The following FAM161B variants were observed in gnomAD, a reference collection of about 807,000 sequenced individuals.
The protein encoded by FAM161B is FAM161 centrosomal protein B, also known as protein FAM161B.
FAM161B carries 46 observed loss-of-function variants against 61.5 expected under a neutral mutation model. The observed-to-expected ratio is 0.75, with a 90% CI of 0.59 to 0.96. The LOEUF (loss-of-function observed/expected upper bound fraction) is 0.96, where lower values mean the gene tolerates loss of function less well. Among genes scored for constraint, FAM161B ranks in the 40% least tolerant of loss-of-function variants. The probability of loss-of-function intolerance (pLI) is 0.00; values close to 1 mark genes in which losing one functional copy is unlikely to be tolerated. For missense variants in FAM161B, 774 were observed against 800.7 expected, an observed-to-expected ratio of 0.97 and a Z score of 0.40; for synonymous variants, 284 against 302.7, an observed-to-expected ratio of 0.94 and a Z score of 0.64.
In FAM161B at chr14:73,944,666, C is replaced by A; in HGVS notation, c.594G>T (p.Glu198Asp). Residue 198 changes from glutamate (E) to aspartate (D), a missense_variant, in exon 3 of 9, where the codon GAG (glutamate) becomes GAT (aspartate). Coordinates refer to ENST00000286544, the MANE Select transcript of FAM161B (RefSeq NM_152445.3). ...WLGSPASFEQ[E>D]RQRAQRQGEE... ...CACCCTGCCTCTGGGCCCGCTGCCT[C>A]TCCTGCTCAAAGGAGGCAGGTGAGC... is the stretch of plus-strand genomic sequence containing the variant. The A allele has an allele frequency of 6.2e-7, 1 of 1,613,492 alleles. No homozygotes were observed. The highest frequency in any genetic ancestry group is 8.5e-7 in the Non-Finnish European group (1 of 1,179,592).
Position 73,938,120 on chromosome 14 carries a change from A to C in FAM161B, c.1401-8T>G, listed in dbSNP as rs1345746614. The C allele has an allele frequency of 1.2e-6, 2 of 1,613,498 alleles. No individual in the cohort carries two copies. Among genetic ancestry groups the C allele is most frequent in the South Asian group, 2.2e-5 (2 of 91,026 alleles). ...TTTTTTTCAAGTGCACTTCTAAAGG[A>C]AGGAGGCAGAAAAAGAGTATAGATT... On this transcript the variant is annotated splice_region_variant and splice_polypyrimidine_tract_variant and intron_variant, in intron 5 of 8. Transcript: ENST00000286544.
chr14:73,944,531 TGCCTGCCTTCGG>T lies in FAM161B; in HGVS notation c.717_728del (p.Arg240_Ala243del). On this transcript the variant is annotated inframe_deletion, in exon 3 of 9. Coordinates refer to ENST00000286544, the MANE Select transcript of FAM161B (RefSeq NM_152445.3). ...GCAGTTCCTTCCTCTTCTGGATCCC[TGCCTGCCTTCGG>T]GCCTCGCTGCGCTCCATGATCTCTT... 6.2e-7 allele frequency: 1 copy of T among 1,614,150 alleles called. No homozygotes were observed. Among genetic ancestry groups the T allele is most frequent in the South Asian group, 1.1e-5 (1 of 91,086 alleles).
Position 73,943,631 on chromosome 14 carries a change from C to G in FAM161B, c.925+704G>C, listed in dbSNP as rs537284867. On this transcript the variant is annotated intron_variant, in intron 3 of 8. Coordinates refer to ENST00000286544, the MANE Select transcript of FAM161B (RefSeq NM_152445.3). ...TCTTCGCCCCTCCTTCAGTTCAGCC[C>G]CAGGGCCCACTTTCTCAGGGGACCT... 2.0e-5 allele frequency among the ~76,000 whole-genome samples: 3 copies of G among 152,318 alleles called. No homozygotes were observed. The East Asian group carries it at 5.8e-4, about 29-fold the overall frequency.
intron 5 of FAM161B, among the ~76,000 whole-genome samples, chr14:73,938,560 C>T (rs905574594): frequency 6.6e-6 from 1 of 151,868 alleles, no homozygotes; most frequent in African/African-American, 2.4e-5. Flanking sequence ...ATCACAAGGT[C>T]AGGAGATCGA....
At chr14:73,948,220 C>T (rs773011299) in intron 1 of FAM161B, among the ~76,000 whole-genome samples, 8 of 152,156 alleles carry the variant, frequency 5.3e-5, no homozygotes, top group Non-Finnish European at 1.2e-4. Flanking sequence ...CATTGGGCCC[C>T]GCCCAACGGC....
rs771820341 is a variant in FAM161B at position 73,937,578 on chromosome 14, AAAC to A, written c.1665+21_1665+23del. ...AGTCCTTTTATCTAAGGCAGAAAGA[AAAC>A]AAATGATGGTTTAGTTTTACCTTGG... On this transcript the variant is annotated intron_variant, in intron 7 of 8. Coordinates refer to ENST00000286544, the MANE Select transcript of FAM161B (RefSeq NM_152445.3). 7 of 1,596,896 alleles carry A rather than the reference AAAC, an allele frequency of 4.4e-6. No homozygotes were observed. In the Admixed American group the frequency reaches 1.1e-4, roughly 24 times the overall value.
At chr14:73,926,726 C>T (rs570051426), downstream of FAM161B, among the ~76,000 whole-genome samples, 11 of 117,130 alleles carry the variant, frequency 9.4e-5, no homozygotes, top group African/African-American at 2.2e-4. Flanking sequence ...TGAGCCACTG[C>T]GCCCGGCCAG....
intron 5 of FAM161B, among the ~76,000 whole-genome samples, chr14:73,940,345 A>G (rs1168401322): frequency 6.6e-6 from 1 of 152,166 alleles, no homozygotes; most frequent in Non-Finnish European, 1.5e-5. Context: ...AAATCTATGC[A>G]ATGGATGTCT....
intron 8 of FAM161B, among the ~76,000 whole-genome samples, chr14:73,935,342 A>G (rs1361322557): frequency 3.3e-5 from 5 of 152,236 alleles, no homozygotes; most frequent in East Asian, 1.9e-4. Flanking sequence ...CCTGGCTAAC[A>G]TGGTGAAACC....
At chr14:73,942,849 C>T (rs1325430012) in intron 3 of FAM161B, 134 bp from the exon 4 acceptor site, 6 of 711,290 alleles carry the variant, frequency 8.4e-6, no homozygotes, top group East Asian at 8.2e-5. Flanking sequence ...AATTCTGACA[C>T]GTTAACATCC....
At position 73,933,723 on chromosome 14, in the gene FAM161B, C is replaced by CTAAG. The variant is rs56133864; in HGVS notation, c.*529_*532dup. The CTAAG allele has an allele frequency of 0.3, 46,303 of 152,344 alleles. 8,933 individuals carry two copies. Among genetic ancestry groups the CTAAG allele is most frequent in the Non-Finnish European group, 0.42 (28,635 of 68,254 alleles). The allele number at this position is 152,344 out of a possible 1,614,324, so 9.4% of individuals were successfully genotyped here. A position where few individuals can be genotyped will look rare whatever the true frequency, so the allele number is the denominator to read the frequency against. ...TGCTCTCTTTTCTGTACCTAATTCT[C>CTAAG]TAAGTGTGAGGCACAAAGCAGGAAC... On this transcript the variant is annotated 3_prime_UTR_variant, in exon 9 of 9. Coordinates refer to ENST00000286544, the MANE Select transcript of FAM161B (RefSeq NM_152445.3).
the FAM161B span, among the ~76,000 whole-genome samples, chr14:73,924,377 G>T: frequency 6.6e-6 from 1 of 152,128 alleles, no homozygotes; most frequent in Non-Finnish European, 1.5e-5. Context: ...TTCCTAACAG[G>T]GCACGGACCA....
the FAM161B span, chr14:73,923,579 A>G: frequency 6.4e-7 from 1 of 1,558,686 alleles, no homozygotes; most frequent in African/African-American, 1.4e-5. Flanking sequence ...AATGATTGAG[A>G]ATTTAGAGGA....
intron 2 of FAM161B, 126 bp downstream of exon 2, chr14:73,946,160 A>T: frequency 1.0e-6 from 1 of 958,032 alleles, no homozygotes; most frequent in Non-Finnish European, 1.5e-6. Flanking sequence ...ATTCTCAGCT[A>T]GAGCCTCAGT....
downstream of FAM161B, among the ~76,000 whole-genome samples, chr14:73,928,898 A>G (rs2055872181): frequency 6.6e-6 from 1 of 152,146 alleles, no homozygotes; most frequent in Non-Finnish European, 1.5e-5. Context: ...GCAGTGAACT[A>G]TGATTGTCCC....
Position 73,937,661 on chromosome 14 carries a change from GTTCT to G in FAM161B, c.1602_1605del (p.Lys534AsnfsTer5), listed in dbSNP as rs1354857601. On this transcript the variant is annotated frameshift_variant, in exon 7 of 9. Coordinates refer to ENST00000286544, the MANE Select transcript of FAM161B (RefSeq NM_152445.3). LOFTEE classifies it high-confidence loss of function. ...TGTATTCGCTGCTTCATTTCCTCCAGTTCTTTCTTATATTCTTTCGCTCTTTTAC... is the reference window on the plus strand; with the variant it reads ...TGTATTCGCTGCTTCATTTCCTCCAGTTCTTATATTCTTTCGCTCTTTTAC... 6.8e-6 allele frequency: 11 copies of G among 1,614,024 alleles called. No individual in the cohort carries two copies. In the African/African-American group the frequency reaches 8.0e-5, roughly 12 times the overall value.
chr14:73,936,795 G>A (rs1170950858), intron 7 of FAM161B, among the ~76,000 whole-genome samples: 1 of 152,130 alleles, frequency 6.6e-6, no homozygotes, highest in Admixed American at 6.6e-5. Flanking sequence ...CAAATGCCTA[G>A]ACAATGTACT....
chr14:73,949,043 C>T (rs1281641238), intron 1 of FAM161B, among the ~76,000 whole-genome samples: 2 of 152,124 alleles, frequency 1.3e-5, no homozygotes, highest in African/African-American at 2.4e-5. Flanking sequence ...CTCAGCCTCC[C>T]GAGTAGCTAG....
chr14:73,946,645 T>C lies in FAM161B; in HGVS notation c.55-40A>G. 1.9e-6 allele frequency: 3 copies of C among 1,576,494 alleles called. No individual in the cohort carries two copies. In the South Asian group the frequency reaches 3.4e-5, roughly 18 times the overall value. On this transcript the variant is annotated intron_variant, in intron 1 of 8. Coordinates refer to ENST00000286544, the MANE Select transcript of FAM161B (RefSeq NM_152445.3). ...AAATAGGCTGTGGGTCAAACAATAA[T>C]TTCAAAGGTATTCAAATCATAACTT...
Sources: gnomAD v4.1 joint callset for allele counts (sites outside exome capture counted in the v4.1 genomes callset) on GRCh38, gnomAD v4.1.1 for gene constraint, MANE v1.5 for transcripts, NCBI Gene and HGNC (gene_info 2026-07-23, HGNC 2026-07-21) for gene names.